The following ZNF184 variants were observed in gnomAD, a reference collection of about 807,000 sequenced individuals.
ZNF184 encodes zinc finger protein 184 (Kruppel-like).
In ZNF184, 16 loss-of-function variants were observed where a neutral mutation model predicts 54.4. The observed-to-expected ratio is 0.29, with a 90% CI of 0.20 to 0.45. The LOEUF (loss-of-function observed/expected upper bound fraction) is 0.45. Ranked by LOEUF, ZNF184 falls within the 20% of genes least tolerant of loss-of-function variation. The pLI is 1.00. For synonymous variants in ZNF184, 254 were observed against 295.3 expected (o/e 0.86, Z 1.43); for missense variants, 681 against 888.2 (o/e 0.77, Z 2.97).
the ZNF184 span, among the ~76,000 whole-genome samples, chr6:27,434,586 A>C: frequency 2.6e-5 from 4 of 152,090 alleles, no homozygotes; most frequent in African/African-American, 4.8e-5. Flanking sequence ...ATGATTTGCA[A>C]ATATGTTCTC....
intron 2 of ZNF184, among the ~76,000 whole-genome samples, chr6:27,469,499 G>T (rs991237257): frequency 1.3e-5 from 2 of 152,142 alleles, no homozygotes; most frequent in Non-Finnish European, 2.9e-5. Context: ...AAATTAACCA[G>T]GCGTGGTGGC....
chr6:27,455,696 T>A (rs897325280), intron 5 of ZNF184, among the ~76,000 whole-genome samples: 1 of 152,138 alleles, frequency 6.6e-6, no homozygotes, highest in Admixed American at 6.5e-5. Context: ...TGAGCATTCA[T>A]AACACCTAAC....
Position 27,453,874 on chromosome 6 carries a change from C to A in ZNF184, c.299-614G>T, listed in dbSNP as rs370858729. On this transcript the variant is annotated intron_variant, in intron 5 of 5. Transcript: ENST00000683788. This position sits in a 1 kb window ranked among gnomAD's most constrained non-coding sequence, Gnocchi z 4.7. ...CGTTTGTGGAAGTGAAAGATGCCAA[C>A]ATCAGAATAACAAGGATGTTCAAAT... 5.0e-4 allele frequency among the ~76,000 whole-genome samples: 76 copies of A among 152,190 alleles called. No individual in the cohort carries two copies. Among genetic ancestry groups the A allele is most frequent in the Middle Eastern group, 3.4e-3 (1 of 294 alleles).
chr6:27,417,201 A>C, the ZNF184 span, among the ~76,000 whole-genome samples: 3 of 152,324 alleles, frequency 2.0e-5, no homozygotes, highest in Middle Eastern at 3.4e-3. Context: ...CTAGTTTCAA[A>C]GTGACTCTAA....
chr6:27,413,421 T>A, the ZNF184 span, among the ~76,000 whole-genome samples: 1 of 152,224 alleles, frequency 6.6e-6, no homozygotes, highest in Non-Finnish European at 1.5e-5. Context: ...ATATTTAAAT[T>A]GATAAAACAT....
chr6:27,434,748 ATTTTCTTGTAGGGG>A, the ZNF184 span, among the ~76,000 whole-genome samples: 1 of 151,846 alleles, frequency 6.6e-6, no homozygotes, highest in African/African-American at 2.4e-5. Flanking sequence ...TGTCATGAAG[ATTTTCTTGTAGGGG>A]TTATGTTTTC....
At chr6:27,421,258 A>G in the ZNF184 span, among the ~76,000 whole-genome samples, 7 of 152,264 alleles carry the variant, frequency 4.6e-5, no homozygotes, top group Non-Finnish European at 1.0e-4. Flanking sequence ...ATGTGTCAAT[A>G]TAAGTTCATG....
chr6:27,418,262 C>T, the ZNF184 span, among the ~76,000 whole-genome samples: 1 of 152,152 alleles, frequency 6.6e-6, no homozygotes, highest in Admixed American at 6.5e-5. Flanking sequence ...TATGTGTCCC[C>T]GTGCCATAAC....
chr6:27,425,090 C>G, the ZNF184 span, among the ~76,000 whole-genome samples: 2 of 152,218 alleles, frequency 1.3e-5, no homozygotes, highest in African/African-American at 4.8e-5. Flanking sequence ...CCTCATTGCC[C>G]GGGGCCGCCA....
Position 27,451,093 on chromosome 6 carries a change from AGCT to A in ZNF184, c.*207_*209del. ...TCCTTCATTCCATAAAGGAAACTAA[AGCT>A]TAAAACAGTAGAGTTTTCTAATGTC... On this transcript the variant is annotated 3_prime_UTR_variant, in exon 6 of 6. Coordinates refer to ENST00000683788, the MANE Select transcript of ZNF184 (RefSeq NM_001318891.2). 2.1e-6 allele frequency: 1 copy of A among 478,466 alleles called. No homozygotes were observed. The highest frequency in any genetic ancestry group is 3.3e-5 in the East Asian group (1 of 30,324). The allele number at this position is 478,466 out of a possible 1,614,324, so 29.6% of individuals were successfully genotyped here. A position where few individuals can be genotyped will look rare whatever the true frequency, so the allele number is the denominator to read the frequency against.
the ZNF184 span, among the ~76,000 whole-genome samples, chr6:27,411,548 T>C: frequency 6.6e-6 from 1 of 152,218 alleles, no homozygotes; most frequent in Admixed American, 6.5e-5. Flanking sequence ...GTAGGTTGAA[T>C]GTCTGATGAA....
chr6:27,433,114 C>A, the ZNF184 span, among the ~76,000 whole-genome samples: 1 of 152,230 alleles, frequency 6.6e-6, no homozygotes. Flanking sequence ...GGGACAGAGA[C>A]AAACTATGCC....
At chr6:27,456,181 C>T (rs1202694706) in intron 5 of ZNF184, among the ~76,000 whole-genome samples, 1 of 151,768 alleles carries the variant, frequency 6.6e-6, no homozygotes, top group Non-Finnish European at 1.5e-5. Flanking sequence ...TTACTCAAGC[C>T]TGGGAAGCAG....
chr6:27,435,691 A>G, the ZNF184 span, among the ~76,000 whole-genome samples: 1 of 152,118 alleles, frequency 6.6e-6, no homozygotes, highest in Admixed American at 6.5e-5. Flanking sequence ...AATTCTGATG[A>G]TTTTATGTTG....
the ZNF184 span, among the ~76,000 whole-genome samples, chr6:27,427,157 A>G: frequency 3.3e-5 from 5 of 150,026 alleles, no homozygotes; most frequent in African/African-American, 7.3e-5. Context: ...AAGAAAGTGT[A>G]TTTATATTTG....
rs184021164 is a variant in ZNF184, at chr6:27,455,998, C to T, written c.298+828G>A. Among the ~76,000 whole-genome samples the T allele has an allele frequency of 9.2e-5, 14 of 152,270 alleles. No individual in the cohort carries two copies. The East Asian group carries it at 2.5e-3, about 27-fold the overall frequency. On this transcript the variant is annotated intron_variant, in intron 5 of 5. Transcript: ENST00000683788. ...GCTAGCTAGGTGCAGTGGCTCACAC[C>T]TGTAATTGCAGCACTTTGAGACGCT... is the stretch of plus-strand genomic sequence containing the variant.
In ZNF184 at chr6:27,452,957, T is replaced by C; in HGVS notation, c.602A>G (p.Glu201Gly). 4.3e-6 allele frequency: 7 copies of C among 1,614,182 alleles called. No individual in the cohort carries two copies. Among genetic ancestry groups the C allele is most frequent in the Non-Finnish European group, 5.9e-6 (7 of 1,180,006 alleles). Residue 201 changes from glutamate to glycine, a missense_variant, in exon 6 of 6, where the codon GAA becomes GGA. Transcript: ENST00000683788. This position sits in a 1 kb window ranked among gnomAD's most constrained non-coding sequence, Gnocchi z 5.5. ...GATGCTTCTTTTAGTAGAGGTCTCTTCTGGAGATGGTTCTTGTGTTACAAG... is the reference window on the plus strand; with the variant it reads ...GATGCTTCTTTTAGTAGAGGTCTCTCCTGGAGATGGTTCTTGTGTTACAAG... The part of the protein sequence containing the change: ...SNLVTQEPSP[E>G]ETSTKRSIKQ...
At chr6:27,411,740 A>T in the ZNF184 span, among the ~76,000 whole-genome samples, 1 of 152,240 alleles carries the variant, frequency 6.6e-6, no homozygotes, top group Non-Finnish European at 1.5e-5. Flanking sequence ...TCTCACATTT[A>T]AGTAGAACAT....
chr6:27,424,366 C>G, the ZNF184 span, among the ~76,000 whole-genome samples: 13 of 152,124 alleles, frequency 8.5e-5, no homozygotes, highest in African/African-American at 2.9e-4. Flanking sequence ...CAAGGAAAGC[C>G]GACAGAGTTG....
Sources: gnomAD v4.1 joint callset for allele counts (sites outside exome capture counted in the v4.1 genomes callset) on GRCh38, gnomAD v4.1.1 for gene constraint, Gnocchi (gnomAD v3.1) non-coding constraint, MANE v1.5 for transcripts, NCBI Gene and HGNC (gene_info 2026-07-23, HGNC 2026-07-21) for gene names.